Variants in SSH2 observed in about 807,000 individuals in gnomAD.
The protein encoded by SSH2 is slingshot protein phosphatase 2, also known as protein phosphatase Slingshot homolog 2.
Under a neutral mutation model 135.2 loss-of-function variants are expected in SSH2, and 37 were observed. The observed-to-expected ratio is 0.27, with a 90% CI of 0.21 to 0.36. SSH2 has a LOEUF of 0.36. Ranked by LOEUF, SSH2 falls within the 10% of genes least tolerant of loss-of-function variation. The probability of loss-of-function intolerance (pLI) is 1.00; values close to 1 mark genes in which losing one functional copy is unlikely to be tolerated. For missense variants in SSH2, 1,408 were observed against 1,765.3 expected, an observed-to-expected ratio of 0.80 and a Z score of 3.63; for synonymous variants, 628 against 646.2, an observed-to-expected ratio of 0.97 and a Z score of 0.43.
chr17:29,733,061 G>C (rs1456246683), intron 3 of SSH2, among the ~76,000 whole-genome samples: 1 of 152,200 alleles, frequency 6.6e-6, no homozygotes, highest in East Asian at 1.9e-4. Context: ...AATCATCATT[G>C]TATCAATTAA....
chr17:29,635,932 C>A (rs770296590), intron 15 of SSH2, 36 bp downstream of exon 15: 5 of 1,472,276 alleles, frequency 3.4e-6, no homozygotes, highest in Non-Finnish European at 4.7e-6. Context: ...TTGAAGAGAA[C>A]TTCATTAGGC....
chr17:29,719,459 C>T (rs1007034428), intron 3 of SSH2, among the ~76,000 whole-genome samples: 7 of 150,998 alleles, frequency 4.6e-5, no homozygotes, highest in African/African-American at 7.3e-5. Context: ...TTGCAGTAAG[C>T]CAAGATCGTG....
At chr17:29,719,181 C>A (rs531308223) in intron 3 of SSH2, among the ~76,000 whole-genome samples, 2 of 152,306 alleles carry the variant, frequency 1.3e-5, no homozygotes, top group South Asian at 4.1e-4. Flanking sequence ...CAGCTGCCTA[C>A]TGGATAGCTG....
chr17:29,826,117 A>C (rs1355406451), intron 2 of SSH2, among the ~76,000 whole-genome samples: 1 of 152,200 alleles, frequency 6.6e-6, no homozygotes, highest in South Asian at 2.1e-4. Context: ...GGCTGCAAAA[A>C]CACAAAGCAT....
At chr17:29,870,192 C>T (rs2065916011) in intron 1 of SSH2, among the ~76,000 whole-genome samples, 2 of 150,364 alleles carry the variant, frequency 1.3e-5, no homozygotes, top group African/African-American at 4.9e-5. Context: ...TATGGTGTAT[C>T]TATATAATGG....
At chr17:29,763,801 C>A (rs1041534772) in intron 3 of SSH2, among the ~76,000 whole-genome samples, 1 of 152,156 alleles carries the variant, frequency 6.6e-6, no homozygotes, top group African/African-American at 2.4e-5. Flanking sequence ...TTCCTTTCTC[C>A]TCAGAAGACC....
At chr17:29,673,386 A>G (rs1485676887) in intron 8 of SSH2, among the ~76,000 whole-genome samples, 1 of 152,062 alleles carries the variant, frequency 6.6e-6, no homozygotes, top group Non-Finnish European at 1.5e-5. Context: ...CCTAACCAAC[A>G]TGGTGAAACC....
intron 12 of SSH2, among the ~76,000 whole-genome samples, chr17:29,654,278 C>T (rs2036695487): frequency 1.3e-5 from 2 of 152,164 alleles, no homozygotes; most frequent in East Asian, 1.9e-4. Flanking sequence ...CCTTGAAGAA[C>T]TCTAGACTTT....
Position 29,769,748 on chromosome 17 carries a change from C to G in SSH2, c.188+24146G>C, listed in dbSNP as rs368865283. On this transcript the variant is annotated intron_variant, in intron 3 of 15. Transcript: ENST00000540801. ...GTTGATAAGAAGCCTAGATTCTAGG[C>G]TTATCGAACGTGTCCAATTCATCCT... Among the ~76,000 whole-genome samples the G allele has an allele frequency of 6.6e-5, 10 of 152,226 alleles. No individual in the cohort carries two copies. In the East Asian group the frequency reaches 1.9e-3, roughly 29 times the overall value.
intron 3 of SSH2, among the ~76,000 whole-genome samples, chr17:29,723,137 C>T (rs917729658): frequency 1.3e-5 from 2 of 151,944 alleles, no homozygotes; most frequent in Admixed American, 1.3e-4. Context: ...CAAGATATCC[C>T]ATCTCTGTGG....
At chr17:29,672,155 A>G (rs758297265) in intron 8 of SSH2, 26 bp from the exon 9 acceptor site, 1 of 1,595,594 alleles carries the variant, frequency 6.3e-7, no homozygotes, top group Admixed American at 1.7e-5. Flanking sequence ...GGAAATGAGC[A>G]CCATAGAACT....
chr17:29,677,007 T>A, intron 7 of SSH2, 122 bp from the exon 8 acceptor site: 1 of 762,858 alleles, frequency 1.3e-6, no homozygotes, highest in Non-Finnish European at 2.2e-6. Context: ...TCATCAGGCA[T>A]TTCACGTAGA....
chr17:29,733,914 T>C (rs796259893), intron 3 of SSH2, among the ~76,000 whole-genome samples: 101 of 148,718 alleles, frequency 6.8e-4, no homozygotes, highest in South Asian at 3.2e-3. Context: ...TTCTTTCTTT[T>C]TTTTTTTTTT....
intron 2 of SSH2, among the ~76,000 whole-genome samples, chr17:29,796,899 A>G (rs187554148): frequency 6.6e-6 from 1 of 151,638 alleles, no homozygotes; most frequent in East Asian, 1.9e-4. Flanking sequence ...TGCAGCCTCA[A>G]ACTCCTGGGT....
intron 4 of SSH2, 80 bp downstream of exon 4, chr17:29,702,879 G>C: frequency 7.4e-6 from 8 of 1,078,476 alleles, no homozygotes; most frequent in Non-Finnish European, 1.1e-5. Flanking sequence ...CTGAAGAGAT[G>C]GGGATGAGGT....
chr17:29,705,775 C>G lies in SSH2; in HGVS notation c.189-2713G>C, dbSNP rs530153934. 2.6e-5 allele frequency among the ~76,000 whole-genome samples: 4 copies of G among 152,298 alleles called. No individual in the cohort carries two copies. In the East Asian group the frequency reaches 7.7e-4, roughly 29 times the overall value. ...GGGACTTTGTGCTTTCTGTTCCCTA[C>G]TTGGAATACTTTTCTTGTGGCCTAT... On this transcript the variant is annotated intron_variant, in intron 3 of 15. Transcript: ENST00000540801.
chr17:29,808,151 G>A (rs1392042531), intron 2 of SSH2, among the ~76,000 whole-genome samples: 2 of 151,876 alleles, frequency 1.3e-5, no homozygotes, highest in African/African-American at 4.8e-5. Context: ...TTTTTGAGAC[G>A]GAGTCTCGCT....
At chr17:29,866,271 T>A (rs2065854420) in intron 1 of SSH2, among the ~76,000 whole-genome samples, 1 of 151,162 alleles carries the variant, frequency 6.6e-6, no homozygotes, top group Non-Finnish European at 1.5e-5. Context: ...GAAACATTCC[T>A]AACTAATGCT....
intron 9 of SSH2, among the ~76,000 whole-genome samples, chr17:29,668,336 T>C (rs1233865996): frequency 1.3e-5 from 2 of 152,238 alleles, no homozygotes; most frequent in African/African-American, 2.4e-5. Context: ...CCAGCCAAGG[T>C]ATTCCTGTCT....
Sources: gnomAD v4.1 joint callset for allele counts (sites outside exome capture counted in the v4.1 genomes callset) on GRCh38, gnomAD v4.1.1 for gene constraint, MANE v1.5 for transcripts, NCBI Gene and HGNC (gene_info 2026-07-23, HGNC 2026-07-21) for gene names.